Variants in HS3ST2 observed in about 807,000 individuals in gnomAD.
HS3ST2 encodes the protein heparan sulfate-glucosamine 3-sulfotransferase 2, also known as heparan sulfate glucosamine 3-O-sulfotransferase 2.
A neutral mutation model predicts 26.3 loss-of-function variants in HS3ST2; 17 were observed. The observed-to-expected ratio is 0.65, with a 90% CI of 0.44 to 0.97. HS3ST2 has a LOEUF of 0.97. HS3ST2 is among the 50% of genes least tolerant of loss of function. HS3ST2 has a pLI of 0.00. For synonymous variants in HS3ST2, 237 were observed against 219.2 expected (o/e 1.08, Z -0.72); for missense variants, 402 against 501.2 (o/e 0.80, Z 1.89).
intron 1 of HS3ST2, among the ~76,000 whole-genome samples, chr16:22,843,252 A>G (rs957883368): frequency 6.6e-6 from 1 of 152,044 alleles, no homozygotes; most frequent in Non-Finnish European, 1.5e-5. Flanking sequence ...CTTCTGCTGT[A>G]CTAGGACAAA....
At chr16:22,836,896 G>T (rs1901264017) in intron 1 of HS3ST2, among the ~76,000 whole-genome samples, 1 of 152,020 alleles carries the variant, frequency 6.6e-6, no homozygotes, top group South Asian at 2.1e-4. Flanking sequence ...GGTCTCAAGT[G>T]ATCCACCCAC....
intron 1 of HS3ST2, among the ~76,000 whole-genome samples, chr16:22,911,990 T>C (rs13336188): frequency 0.11 from 16,441 of 151,998 alleles, 1,706 homozygotes; most frequent in East Asian, 0.34. Context: ...GGAGTGGTGG[T>C]GAGTGCCTGT....
rs1439255301 is a variant in HS3ST2 at position 22,856,351 on chromosome 16, G to T, written c.485+41256G>T. The stretch of plus-strand genomic sequence containing the variant: ...CCATGTAGACTGGTGACAAGTGACA[G>T]TCCTGTCAAGATATCTTTACTCAAT... On this transcript the variant is annotated intron_variant, in intron 1 of 1. Transcript: ENST00000261374. Among the ~76,000 whole-genome samples the T allele has an allele frequency of 5.9e-5, 9 of 152,314 alleles. 1 individual carries two copies. The South Asian group carries it at 1.0e-3, about 18-fold the overall frequency.
chr16:22,914,860 C>T (rs1596635816), intron 1 of HS3ST2, 84 bp from the exon 2 acceptor site: 2 of 1,434,456 alleles, frequency 1.4e-6, no homozygotes, highest in East Asian at 4.6e-5. Flanking sequence ...CAACAGGCCC[C>T]TGGGTGGAAG....
chr16:22,839,496 GT>G (rs1901320942), intron 1 of HS3ST2, among the ~76,000 whole-genome samples: 2 of 152,044 alleles, frequency 1.3e-5, no homozygotes, highest in Admixed American at 1.3e-4. Flanking sequence ...ATTTCACAAC[GT>G]TTTTTTCTTC....
At chr16:22,911,270 A>G (rs1198145370) in intron 1 of HS3ST2, among the ~76,000 whole-genome samples, 1 of 152,198 alleles carries the variant, frequency 6.6e-6, no homozygotes, top group Non-Finnish European at 1.5e-5. Flanking sequence ...GAACAGGAAA[A>G]TTGATGAGGA....
At chr16:22,871,407 A>G (rs896715888) in intron 1 of HS3ST2, among the ~76,000 whole-genome samples, 17 of 151,986 alleles carry the variant, frequency 1.1e-4, no homozygotes, top group Admixed American at 2.0e-4. Context: ...ATTTTGCCAA[A>G]CCATAAGGTG....
At chr16:22,874,292 G>C (rs890327517) in intron 1 of HS3ST2, among the ~76,000 whole-genome samples, 2 of 152,170 alleles carry the variant, frequency 1.3e-5, no homozygotes, top group Admixed American at 1.3e-4. Flanking sequence ...TCTACCTTTT[G>C]CTTCTCATAT....
In HS3ST2 at chr16:22,840,641, G is replaced by A. The variant is rs1021691445; in HGVS notation, c.485+25546G>A. ...TGATGGTGTCAGGGTGCATACAAGA[G>A]GTGAGTACAGGCTTCTGGCTGCACT... is the stretch of plus-strand genomic sequence containing the variant. On this transcript the variant is annotated intron_variant, in intron 1 of 1. Transcript: ENST00000261374. 2.6e-5 allele frequency among the ~76,000 whole-genome samples: 4 copies of A among 152,230 alleles called. No homozygotes were observed. The South Asian group carries it at 8.3e-4, about 32-fold the overall frequency.
intron 1 of HS3ST2, among the ~76,000 whole-genome samples, chr16:22,850,500 A>G (rs1015050750): frequency 1.3e-5 from 2 of 152,154 alleles, no homozygotes; most frequent in African/African-American, 4.8e-5. Context: ...AGAATCTCTC[A>G]TATAAGTCGG....
At chr16:22,844,037 G>GCA (rs746139543) in intron 1 of HS3ST2, among the ~76,000 whole-genome samples, 1 of 132,444 alleles carries the variant, frequency 7.6e-6, no homozygotes, top group African/African-American at 2.8e-5. Flanking sequence ...ACACACACAC[G>GCA]CACACACACA....
chr16:22,900,817 C>T (rs1409283896), intron 1 of HS3ST2, among the ~76,000 whole-genome samples: 2 of 151,884 alleles, frequency 1.3e-5, no homozygotes, highest in Non-Finnish European at 2.9e-5. Flanking sequence ...GGGTTGTGTT[C>T]GGAGAGTACC....
intron 1 of HS3ST2, among the ~76,000 whole-genome samples, chr16:22,911,501 C>T (rs956384037): frequency 4.6e-5 from 7 of 152,190 alleles, no homozygotes; most frequent in African/African-American, 1.2e-4. Context: ...CATTATTTCA[C>T]AGTTCTAGAG....
intron 1 of HS3ST2, among the ~76,000 whole-genome samples, chr16:22,875,976 G>A (rs1469725920): frequency 3.9e-5 from 6 of 152,108 alleles, no homozygotes; most frequent in Non-Finnish European, 8.8e-5. Context: ...ATATAATATG[G>A]GTGTGTAGTA....
chr16:22,896,940 T>A (rs1326716065), intron 1 of HS3ST2, among the ~76,000 whole-genome samples: 1 of 152,204 alleles, frequency 6.6e-6, no homozygotes, highest in Non-Finnish European at 1.5e-5. Context: ...ATCAAGTAGC[T>A]GAGACTACAG....
intron 1 of HS3ST2, among the ~76,000 whole-genome samples, chr16:22,852,920 G>A (rs1376858995): frequency 6.7e-6 from 1 of 150,338 alleles, no homozygotes; most frequent in Non-Finnish European, 1.5e-5. Context: ...TCCAAACTGA[G>A]AAAGGAATCG....
rs936430993 is a variant in HS3ST2 at position 22,915,888 on chromosome 16, A to C, written c.*326A>C. The C allele has an allele frequency of 6.7e-6, 2 of 299,238 alleles. No homozygotes were observed. Among genetic ancestry groups the C allele is most frequent in the Non-Finnish European group, 1.2e-5 (2 of 161,556 alleles). 18.5% of individuals were successfully genotyped at this position (299,238 alleles called of 1,614,324 possible). Reference sequence around the variant, plus strand: ...TGTTCCAATGATGATAGATATTATAAGCGATGATGGTTCTGTTGCTATGAA... The same window carrying C: ...TGTTCCAATGATGATAGATATTATACGCGATGATGGTTCTGTTGCTATGAA... On this transcript the variant is annotated 3_prime_UTR_variant, in exon 2 of 2. Transcript: ENST00000261374.
intron 1 of HS3ST2, among the ~76,000 whole-genome samples, chr16:22,901,868 G>C (rs1478094504): frequency 6.6e-6 from 1 of 152,042 alleles, no homozygotes; most frequent in Non-Finnish European, 1.5e-5. Context: ...TATCAATGGA[G>C]ACTTTTAAAA....
At chr16:22,850,051 G>T (rs1278921323) in intron 1 of HS3ST2, among the ~76,000 whole-genome samples, 1 of 151,884 alleles carries the variant, frequency 6.6e-6, no homozygotes, top group Non-Finnish European at 1.5e-5. Flanking sequence ...AGCTAAATTT[G>T]AATTTCAGAT....
Sources: allele counts gnomAD v4.1 joint callset (sites outside exome capture counted in the v4.1 genomes callset), GRCh38; gene constraint gnomAD v4.1.1; transcripts MANE v1.5; gene names NCBI Gene and HGNC (gene_info 2026-07-23, HGNC 2026-07-21).